Variants in LHFPL3 observed in about 807,000 individuals in gnomAD.
LHFPL3 encodes the protein LHFPL tetraspan subfamily member 3 protein.
In LHFPL3, 5 loss-of-function variants were observed where a neutral mutation model predicts 19.3. The ratio of observed to expected loss-of-function variants is 0.26; its 90% CI spans 0.14 to 0.54. LHFPL3 has a LOEUF of 0.54. Ranked by LOEUF, LHFPL3 falls within the 20% of genes least tolerant of loss-of-function variation. LHFPL3 has a pLI of 0.94. For synonymous variants in LHFPL3, 133 were observed against 126.2 expected (o/e 1.05, Z -0.36); for missense variants, 249 against 307.4 (o/e 0.81, Z 1.42).
At chr7:104,408,138 T>C (rs1791456122) in intron 1 of LHFPL3, among the ~76,000 whole-genome samples, 1 of 152,216 alleles carries the variant, frequency 6.6e-6, no homozygotes, top group Admixed American at 6.5e-5. Flanking sequence ...GTGGGCTTTT[T>C]CTTACTCTTA....
chr7:104,778,104 G>A (rs543095467), intron 2 of LHFPL3, among the ~76,000 whole-genome samples: 1 of 152,136 alleles, frequency 6.6e-6, no homozygotes, highest in Admixed American at 6.5e-5. Context: ...GTCCTAAAAG[G>A]GTGGACCTAT....
At chr7:104,508,294 T>A (rs1793740241) in intron 1 of LHFPL3, among the ~76,000 whole-genome samples, 1 of 151,556 alleles carries the variant, frequency 6.6e-6, no homozygotes, top group Non-Finnish European at 1.5e-5. Context: ...AAATGATGAG[T>A]TCATGTCCTT....
intron 1 of LHFPL3, among the ~76,000 whole-genome samples, chr7:104,591,126 A>G (rs1187069531): frequency 2.0e-5 from 3 of 152,096 alleles, no homozygotes; most frequent in Non-Finnish European, 4.4e-5. Context: ...TAAGGATAAT[A>G]TTATTATGTG....
intron 2 of LHFPL3, among the ~76,000 whole-genome samples, chr7:104,886,842 C>T (rs897465321): frequency 3.9e-5 from 6 of 152,310 alleles, no homozygotes; most frequent in African/African-American, 1.4e-4. Context: ...AATGGAGTCT[C>T]CCATGGGCTA....
chr7:104,750,862 A>G (rs1794152738), intron 2 of LHFPL3, among the ~76,000 whole-genome samples: 1 of 151,876 alleles, frequency 6.6e-6, no homozygotes, highest in Non-Finnish European at 1.5e-5. Context: ...TTTCCCGACA[A>G]TGGTTGCCCA....
intron 1 of LHFPL3, among the ~76,000 whole-genome samples, chr7:104,377,396 G>C (rs1790736607): frequency 6.6e-6 from 1 of 152,158 alleles, no homozygotes; most frequent in South Asian, 2.1e-4. Flanking sequence ...CACAGGAAAA[G>C]AAGAGAAACC....
At chr7:104,589,791 C>G (rs971724762) in intron 1 of LHFPL3, among the ~76,000 whole-genome samples, 1 of 152,088 alleles carries the variant, frequency 6.6e-6, no homozygotes, top group Admixed American at 6.5e-5. Flanking sequence ...AATTTCAGAG[C>G]CTGTTATTGG....
chr7:104,520,575 C>T (rs1794036876), intron 1 of LHFPL3, among the ~76,000 whole-genome samples: 1 of 137,324 alleles, frequency 7.3e-6, no homozygotes, highest in African/African-American at 2.7e-5. Context: ...TCCATCTGGT[C>T]CTGGACTCTT....
chr7:104,788,325 A>G (rs564362965), intron 2 of LHFPL3, among the ~76,000 whole-genome samples: 1 of 152,218 alleles, frequency 6.6e-6, no homozygotes, highest in Non-Finnish European at 1.5e-5. Flanking sequence ...GTTTTCCAGA[A>G]GGCATCAGAG....
intron 1 of LHFPL3, among the ~76,000 whole-genome samples, chr7:104,531,549 C>G (rs1291304178): frequency 6.6e-6 from 1 of 152,046 alleles, no homozygotes; most frequent in African/African-American, 2.4e-5. Context: ...TTCCTGGAAC[C>G]TAAGACCCCT....
intron 1 of LHFPL3, among the ~76,000 whole-genome samples, chr7:104,643,890 TG>T (rs1791882081): frequency 6.6e-6 from 1 of 152,196 alleles, no homozygotes; most frequent in Admixed American, 6.5e-5. Context: ...AGGATTTTCT[TG>T]GGTGGCTATT....
intron 2 of LHFPL3, among the ~76,000 whole-genome samples, chr7:104,844,286 T>C (rs1026829827): frequency 2.0e-5 from 3 of 152,226 alleles, no homozygotes; most frequent in African/African-American, 7.2e-5. Flanking sequence ...ATGGAGGCAA[T>C]TGAGAAAATG....
intron 1 of LHFPL3, among the ~76,000 whole-genome samples, chr7:104,608,455 A>C (rs922515646): frequency 1.5e-5 from 2 of 133,404 alleles, no homozygotes; most frequent in Non-Finnish European, 1.5e-5. Context: ...ACGAGAACAC[A>C]TGGACACAGG....
intron 1 of LHFPL3, among the ~76,000 whole-genome samples, chr7:104,473,488 C>T (rs1478382122): frequency 1.3e-5 from 2 of 152,172 alleles, no homozygotes; most frequent in Non-Finnish European, 2.9e-5. Flanking sequence ...TATTTACCAC[C>T]ACTATTTGCC....
intron 2 of LHFPL3, among the ~76,000 whole-genome samples, chr7:104,838,708 C>A (rs1020172739): frequency 6.6e-6 from 1 of 152,192 alleles, no homozygotes; most frequent in African/African-American, 2.4e-5. Flanking sequence ...ATACCATAGA[C>A]ACATGTGGCT....
At chr7:104,845,370 C>T in intron 2 of LHFPL3, 1 of 1,474,196 alleles carries the variant, frequency 6.8e-7, no homozygotes, top group Middle Eastern at 1.7e-4. Flanking sequence ...TTTTTTCCTC[C>T]CACACTCTCA....
In LHFPL3 at chr7:104,560,947, G is replaced by T. The variant is rs886791798; in HGVS notation, c.446-175728G>T. Among the ~76,000 whole-genome samples, 45 of 149,692 alleles carry T rather than the reference G, an allele frequency of 3.0e-4. 1 individual carries two copies. Among genetic ancestry groups the T allele is most frequent in the African/African-American group, 9.1e-4 (36 of 39,378 alleles). On this transcript the variant is annotated intron_variant, in intron 1 of 2. Transcript: ENST00000424859. ...CCTTCATTTCGTTATGTACCCAGTAGTCATTCAGGAGCAGGTTGTTCAGTT... is the reference window on the plus strand; with the variant it reads ...CCTTCATTTCGTTATGTACCCAGTATTCATTCAGGAGCAGGTTGTTCAGTT...
intron 1 of LHFPL3, among the ~76,000 whole-genome samples, chr7:104,691,094 T>G (rs1584482483): frequency 6.6e-6 from 1 of 152,332 alleles, no homozygotes; most frequent in South Asian, 2.1e-4. Context: ...TGATAGAAAC[T>G]GAATGTTTGA....
chr7:104,747,971 G>T (rs1276770912), intron 2 of LHFPL3, among the ~76,000 whole-genome samples: 1 of 152,138 alleles, frequency 6.6e-6, no homozygotes, highest in African/African-American at 2.4e-5. Context: ...TGTGTAGAAA[G>T]AAGTAGACAT....
Sources: gnomAD v4.1 joint callset for allele counts (sites outside exome capture counted in the v4.1 genomes callset) on GRCh38, gnomAD v4.1.1 for gene constraint, MANE v1.5 for transcripts, NCBI Gene and HGNC (gene_info 2026-07-23, HGNC 2026-07-21) for gene names.